Variants in CDK5RAP2 observed in about 807,000 individuals in gnomAD.
CDK5RAP2 encodes CDK5 regulatory subunit-associated protein 2.
CDK5RAP2 carries 147 observed loss-of-function variants against 232.9 expected under a neutral mutation model. That is an observed-to-expected ratio of 0.63 (90% CI 0.55 to 0.72). CDK5RAP2 has a LOEUF of 0.72. CDK5RAP2 is among the 30% of genes least tolerant of loss of function. CDK5RAP2 has a pLI of 0.00. For missense variants in CDK5RAP2, 2,195 were observed against 2,231.5 expected, an observed-to-expected ratio of 0.98 and a Z score of 0.33; for synonymous variants, 833 against 833.7, an observed-to-expected ratio of 1.00 and a Z score of 0.01.
chr9:120,494,925 G>C (rs2039097503), intron 12 of CDK5RAP2, among the ~76,000 whole-genome samples: 1 of 142,994 alleles, frequency 7.0e-6, no homozygotes, highest in Admixed American at 6.9e-5. Context: ...GCGGGCCCCA[G>C]CTGCAGATAT....
rs1307044851 is a variant in CDK5RAP2 at position 120,411,358 on chromosome 9, C to G, written c.4414G>C (p.Asp1472His). Residue 1472 changes from aspartate to histidine, a missense_variant and splice_region_variant, in exon 29 of 38, where the codon GAT (aspartate) becomes CAT (histidine). By Grantham distance (81) the Asp-to-His change is moderately conservative. Transcript: ENST00000349780. ...TTCCAGTGACTCCTTTAACTCTTAC[C>G]TCTGGATCCTTTAATGAGCATTGCA... ...LNAMLIKGSRDKQKENDKLRE... is the reference protein window; with the variant it reads ...LNAMLIKGSRHKQKENDKLRE... 1.0e-5 allele frequency: 16 copies of G among 1,564,202 alleles called. No individual in the cohort carries two copies. Among genetic ancestry groups the G allele is most frequent in the Non-Finnish European group, 1.2e-5 (14 of 1,134,490 alleles).
At chr9:120,571,577 G>A (rs568925273) in intron 2 of CDK5RAP2, among the ~76,000 whole-genome samples, 18 of 152,322 alleles carry the variant, frequency 1.2e-4, no homozygotes, top group East Asian at 3.9e-4. Context: ...GGCCTCAGCC[G>A]GCAAACAGGA....
At chr9:120,560,168 C>T (rs984303201) in intron 3 of CDK5RAP2, among the ~76,000 whole-genome samples, 1 of 152,238 alleles carries the variant, frequency 6.6e-6, no homozygotes, top group African/African-American at 2.4e-5. Context: ...ACCAGAGCTG[C>T]TACTTTTGCA....
chr9:120,456,155 G>A (rs2036762312), intron 20 of CDK5RAP2, among the ~76,000 whole-genome samples: 1 of 152,246 alleles, frequency 6.6e-6, no homozygotes, highest in Non-Finnish European at 1.5e-5. Context: ...GGGAAGTAGA[G>A]AGGAGAGACC....
chr9:120,443,886 T>A, intron 22 of CDK5RAP2, 144 bp from the exon 23 acceptor site: 1 of 1,028,232 alleles, frequency 9.7e-7, no homozygotes, highest in Non-Finnish European at 1.4e-6. Context: ...ATAAAATTAA[T>A]CTATCGAGCT....
Position 120,564,414 on chromosome 9 carries a change from C to T in CDK5RAP2, c.195+3907G>A, listed in dbSNP as rs187075230. Among the ~76,000 whole-genome samples the T allele has an allele frequency of 1.6e-4, 24 of 149,960 alleles. No individual in the cohort carries two copies. The East Asian group carries it at 2.8e-3, about 17-fold the overall frequency. ...CTGAAGCAGGAGAATCGCTTGAACC[C>T]GGGAGGCTGCGGCTGCAGTGAGCCG... is the stretch of plus-strand genomic sequence containing the variant. On this transcript the variant is annotated intron_variant, in intron 3 of 37. Coordinates refer to ENST00000349780, the MANE Select transcript of CDK5RAP2 (RefSeq NM_018249.6).
intron 11 of CDK5RAP2, among the ~76,000 whole-genome samples, chr9:120,520,600 G>A (rs564163194): frequency 7.9e-5 from 12 of 151,790 alleles, no homozygotes; most frequent in East Asian, 2.0e-4. Context: ...CCAAGATTGC[G>A]CCACTGCACT....
rs1245240153 is a variant in CDK5RAP2, at chr9:120,491,335, C to A, written c.1454G>T (p.Ser485Ile). ...AAGCAACACGTCCTTCTGATTGGTA[C>A]TTTCTGTTAGATGTTTGATCACTTG... Reference protein sequence around the residue: ...QEQVIKHLTESTNQKDVLLQK... With the variant: ...QEQVIKHLTEITNQKDVLLQK... Residue 485 changes from serine (S) to isoleucine (I), a missense_variant, in exon 13 of 38, where the codon AGT (serine) becomes ATT (isoleucine). By Grantham distance (142) the Ser-to-Ile change is moderately radical. Transcript: ENST00000349780. The A allele has an allele frequency of 1.1e-5, 17 of 1,613,540 alleles. No individual in the cohort carries two copies. Among genetic ancestry groups the A allele is most frequent in the Non-Finnish European group, 1.4e-5 (17 of 1,179,762 alleles).
At chr9:120,522,208 G>A (rs114911168) in intron 11 of CDK5RAP2, among the ~76,000 whole-genome samples, 3,235 of 152,244 alleles carry the variant, frequency 0.021, 126 homozygotes, top group African/African-American at 0.073. Context: ...TCTGAATAAG[G>A]TCAAAGGACT....
chr9:120,491,662 A>G (rs551672364), intron 12 of CDK5RAP2, among the ~76,000 whole-genome samples, 185 bp from the exon 13 acceptor site: 8 of 152,380 alleles, frequency 5.3e-5, no homozygotes, highest in Non-Finnish European at 2.9e-5. Flanking sequence ...ATAATCTGAA[A>G]TTTGGCAAAA....
At chr9:120,493,686 T>C (rs2039015908) in intron 12 of CDK5RAP2, among the ~76,000 whole-genome samples, 1 of 152,132 alleles carries the variant, frequency 6.6e-6, no homozygotes, top group Non-Finnish European at 1.5e-5. Flanking sequence ...ATAAGTCAAA[T>C]GACATTACAG....
chr9:120,540,006 A>G (rs541177103), intron 5 of CDK5RAP2, among the ~76,000 whole-genome samples: 1 of 152,336 alleles, frequency 6.6e-6, no homozygotes, highest in South Asian at 2.1e-4. Context: ...CTGTTTGCGC[A>G]CTAGCTACCA....
At chr9:120,421,359 T>C (rs2034556824) in intron 26 of CDK5RAP2, among the ~76,000 whole-genome samples, 1 of 152,166 alleles carries the variant, frequency 6.6e-6, no homozygotes, top group African/African-American at 2.4e-5. Flanking sequence ...ATTATAAGAA[T>C]GGAAGTGGAG....
intron 12 of CDK5RAP2, among the ~76,000 whole-genome samples, chr9:120,495,752 TGG>T (rs2039173813): frequency 2.5e-5 from 1 of 39,582 alleles, no homozygotes; most frequent in Non-Finnish European, 4.6e-5. Context: ...GGGAGGGAGG[TGG>T]GGGGGTCAGC....
chr9:120,445,433 G>A (rs892467368), intron 22 of CDK5RAP2, among the ~76,000 whole-genome samples: 5 of 152,026 alleles, frequency 3.3e-5, no homozygotes, highest in Non-Finnish European at 7.4e-5. Context: ...ATTGCTTTAC[G>A]GTATAATTCC....
chr9:120,392,956 G>A (rs545596537), intron 36 of CDK5RAP2, among the ~76,000 whole-genome samples: 3 of 152,276 alleles, frequency 2.0e-5, no homozygotes, highest in African/African-American at 7.2e-5. Context: ...TGCTCGTCCT[G>A]GAGTCCTGTC....
intron 12 of CDK5RAP2, among the ~76,000 whole-genome samples, chr9:120,501,735 T>C (rs1237766041): frequency 1.3e-5 from 2 of 152,106 alleles, no homozygotes; most frequent in Non-Finnish European, 2.9e-5. Context: ...GACCCTCCAG[T>C]CCACCCCATC....
At position 120,410,883 on chromosome 9, in the gene CDK5RAP2, T is replaced by C. The variant is rs571126266; in HGVS notation, c.4414+475A>G. On this transcript the variant is annotated intron_variant, in intron 29 of 37. Coordinates refer to ENST00000349780, the MANE Select transcript of CDK5RAP2 (RefSeq NM_018249.6). ...GAAAGATAATGTAAGTGAAAGCTCT[T>C]TGGGAGCCAAGCTCCAAATAGAAGG... is the stretch of plus-strand genomic sequence containing the variant. 9.8e-5 allele frequency among the ~76,000 whole-genome samples: 15 copies of C among 152,338 alleles called. No homozygotes were observed. The South Asian group carries it at 2.3e-3, about 23-fold the overall frequency.
intron 25 of CDK5RAP2, among the ~76,000 whole-genome samples, chr9:120,426,595 A>G (rs1385937282): frequency 1.3e-5 from 2 of 152,200 alleles, no homozygotes; most frequent in African/African-American, 4.8e-5. Flanking sequence ...GGCCATCCTC[A>G]GAGGCAAATA....
Sources: gnomAD v4.1 joint callset for allele counts (sites outside exome capture counted in the v4.1 genomes callset) on GRCh38, gnomAD v4.1.1 for gene constraint, MANE v1.5 for transcripts, NCBI Gene and HGNC (gene_info 2026-07-23, HGNC 2026-07-21) for gene names.